Variants in ZNF469 observed in about 807,000 individuals in gnomAD.
ZNF469 encodes the protein zinc finger protein 469.
Under a neutral mutation model 1.0 loss-of-function variants are expected in ZNF469, and 1 was observed. The observed-to-expected ratio is 1.00, with a 90% CI of 0.35 to 4.73. The LOEUF (loss-of-function observed/expected upper bound fraction) is 4.73, where lower values mean the gene tolerates loss of function less well. Among genes scored for constraint, ZNF469 ranks in the 30% most tolerant of loss-of-function variants. The pLI is 0.16. For synonymous variants in ZNF469, 2,703 were observed against 2,363.4 expected (o/e 1.14, Z -4.17); for missense variants, 6,100 against 5,356.3 (o/e 1.14, Z -4.33).
the ZNF469 span, among the ~76,000 whole-genome samples, chr16:88,218,722 C>G: frequency 2.0e-5 from 3 of 151,832 alleles, no homozygotes; most frequent in Admixed American, 6.6e-5. Flanking sequence ...CAGGGATGCC[C>G]TCTCTCACCA....
At chr16:88,388,413 G>C (rs531282668) in intron 1 of ZNF469, among the ~76,000 whole-genome samples, 2 of 152,228 alleles carry the variant, frequency 1.3e-5, no homozygotes, top group African/African-American at 2.4e-5. Context: ...GGCCGGGCAC[G>C]GCAGCCGCCT....
At chr16:88,416,720 G>T (rs1314348889) in intron 1 of ZNF469, among the ~76,000 whole-genome samples, 1 of 152,216 alleles carries the variant, frequency 6.6e-6, no homozygotes, top group East Asian at 1.9e-4. Context: ...TTAGGGGAGG[G>T]ATGGTAACAA....
chr16:88,121,450 C>A, the ZNF469 span, among the ~76,000 whole-genome samples: 1 of 152,224 alleles, frequency 6.6e-6, no homozygotes, highest in African/African-American at 2.4e-5. Context: ...GAGGGGCTGG[C>A]TCAGTGAACT....
chr16:88,431,875 T>C lies in ZNF469; in HGVS notation c.4405T>C (p.Tyr1469His). The change falls in exon 3 of 3, where the codon TAT becomes CAT. Residue 1469 changes from tyrosine (Y) to histidine (H), a missense_variant. Tyr to His is a moderately conservative substitution (Grantham distance 83). Coordinates refer to ENST00000565624, the MANE Select transcript of ZNF469 (RefSeq NM_001367624.2). Reference protein sequence around the residue: ...LPVDRFDPPLYGSLSANRDSG... With the variant: ...LPVDRFDPPLHGSLSANRDSG... ...GGTGGACAGATTCGACCCACCCCTC[T>C]ATGGCAGCCTGTCTGCGAACAGGGA... 18 of 1,549,996 alleles carry C rather than the reference T, an allele frequency of 1.2e-5. No individual in the cohort carries two copies. The highest frequency in any genetic ancestry group is 1.6e-5 in the Non-Finnish European group (18 of 1,146,830).
the ZNF469 span, among the ~76,000 whole-genome samples, chr16:88,312,429 C>T: frequency 1.3e-5 from 2 of 152,170 alleles, no homozygotes; most frequent in Non-Finnish European, 1.5e-5. Context: ...TTTGTTGTTT[C>T]TTTAATCCCC....
At chr16:88,415,662 A>C (rs1905282614) in intron 1 of ZNF469, among the ~76,000 whole-genome samples, 1 of 152,200 alleles carries the variant, frequency 6.6e-6, no homozygotes, top group African/African-American at 2.4e-5. Context: ...GCTCAGGAGC[A>C]GGGAGAGCGC....
the ZNF469 span, among the ~76,000 whole-genome samples, chr16:88,225,733 G>A: frequency 1.7e-4 from 26 of 152,320 alleles, no homozygotes; most frequent in African/African-American, 6.0e-4. Context: ...CCCATCACAT[G>A]AGGACACACA....
chr16:88,274,523 G>T, the ZNF469 span, among the ~76,000 whole-genome samples: 1 of 152,230 alleles, frequency 6.6e-6, no homozygotes, highest in South Asian at 2.1e-4. Flanking sequence ...CAACAGATCA[G>T]CCCACCCTCT....
the ZNF469 span, among the ~76,000 whole-genome samples, chr16:88,245,029 C>T: frequency 5.3e-3 from 804 of 152,060 alleles, 6 homozygotes; most frequent in Non-Finnish European, 9.2e-3. Flanking sequence ...TCCCAGCACT[C>T]CTGAGCAGCA....
the ZNF469 span, among the ~76,000 whole-genome samples, chr16:88,260,340 C>A: frequency 6.6e-6 from 1 of 152,182 alleles, no homozygotes; most frequent in African/African-American, 2.4e-5. The surrounding 1 kb of genome is among the most constrained non-coding windows in gnomAD (Gnocchi z 4.1). Context: ...AGTGTTTCCA[C>A]AATACGACAC....
At chr16:88,347,454 CAG>C in the ZNF469 span, among the ~76,000 whole-genome samples, 644 of 152,304 alleles carry the variant, frequency 4.2e-3, 1 homozygote, top group African/African-American at 0.015. Context: ...CCGGAGGAGA[CAG>C]TGTCGCCAAG....
chr16:88,214,710 A>G, the ZNF469 span, among the ~76,000 whole-genome samples: 1 of 152,046 alleles, frequency 6.6e-6, no homozygotes, highest in African/African-American at 2.4e-5. Context: ...GTGTCCATGC[A>G]TTCTCATTGT....
the ZNF469 span, among the ~76,000 whole-genome samples, chr16:88,345,023 C>T: frequency 1.3e-5 from 2 of 152,204 alleles, no homozygotes; most frequent in African/African-American, 4.8e-5. Flanking sequence ...GCCCAGAGCC[C>T]TACAGCAGGT....
chr16:88,367,125 C>G, the ZNF469 span, among the ~76,000 whole-genome samples: 1 of 152,182 alleles, frequency 6.6e-6, no homozygotes, highest in South Asian at 2.1e-4. Context: ...GTCACAGACT[C>G]TGATTCCTCT....
At chr16:88,167,137 C>T in the ZNF469 span, among the ~76,000 whole-genome samples, 2 of 144,082 alleles carry the variant, frequency 1.4e-5, no homozygotes, top group African/African-American at 2.6e-5. Context: ...TCTTGGCTCA[C>T]TGTAACCTCC....
At chr16:88,125,913 G>C in the ZNF469 span, among the ~76,000 whole-genome samples, 1 of 152,190 alleles carries the variant, frequency 6.6e-6, no homozygotes, top group African/African-American at 2.4e-5. Flanking sequence ...TTCCGGTTGG[G>C]CGCAGTGGCT....
the ZNF469 span, among the ~76,000 whole-genome samples, chr16:88,224,555 A>T: frequency 4.6e-5 from 7 of 152,264 alleles, no homozygotes; most frequent in South Asian, 1.4e-3. Flanking sequence ...CTTAGTGGTA[A>T]ACCCGTCAGC....
At chr16:88,326,045 G>T in the ZNF469 span, among the ~76,000 whole-genome samples, 4 of 152,248 alleles carry the variant, frequency 2.6e-5, no homozygotes, top group African/African-American at 9.6e-5. Context: ...TAGGCAGAGA[G>T]GAGGGGCTGC....
At chr16:88,296,075 C>T in the ZNF469 span, among the ~76,000 whole-genome samples, 3,207 of 152,286 alleles carry the variant, frequency 0.021, 108 homozygotes, top group African/African-American at 0.074. Context: ...GAAGCGAGCC[C>T]GCCCGGCTGC....
Sources: gnomAD v4.1 joint callset for allele counts (sites outside exome capture counted in the v4.1 genomes callset) on GRCh38, gnomAD v4.1.1 for gene constraint, Gnocchi (gnomAD v3.1) non-coding constraint, MANE v1.5 for transcripts, NCBI Gene and HGNC (gene_info 2026-07-23, HGNC 2026-07-21) for gene names.